Variants in LINGO2 observed in about 807,000 individuals in gnomAD.
The protein encoded by LINGO2 is leucine rich repeat and Ig domain containing 2, also known as leucine-rich repeat and immunoglobulin-like domain-containing nogo receptor-interacting protein 2.
In LINGO2, 14 loss-of-function variants were observed where a neutral mutation model predicts 30.6. That is an observed-to-expected ratio of 0.46 (90% CI 0.30 to 0.72). The LOEUF is 0.72. LINGO2 is among the 30% of genes least tolerant of loss of function. The pLI is 0.07. For missense variants in LINGO2, 729 were observed against 751.7 expected, an observed-to-expected ratio of 0.97 and a Z score of 0.35; for synonymous variants, 317 against 288.5, an observed-to-expected ratio of 1.10 and a Z score of -1.00.
the LINGO2 span, among the ~76,000 whole-genome samples, chr9:28,854,324 T>C: frequency 6.6e-6 from 1 of 152,014 alleles, no homozygotes; most frequent in African/African-American, 2.4e-5. Flanking sequence ...CATTAAACAA[T>C]GGGTTATGAT....
chr9:28,061,566 A>C (rs1014543814), intron 4 of LINGO2, among the ~76,000 whole-genome samples: 3 of 151,974 alleles, frequency 2.0e-5, no homozygotes, highest in Non-Finnish European at 4.4e-5. Context: ...CCATAAAAAT[A>C]AAAAAAGTAA....
At chr9:29,131,412 C>G in the LINGO2 span, among the ~76,000 whole-genome samples, 1 of 152,182 alleles carries the variant, frequency 6.6e-6, no homozygotes, top group Non-Finnish European at 1.5e-5. Flanking sequence ...TACCACCAGT[C>G]CAGCTTGGGC....
At chr9:28,789,566 G>A in the LINGO2 span, among the ~76,000 whole-genome samples, 1 of 152,082 alleles carries the variant, frequency 6.6e-6, no homozygotes, top group South Asian at 2.1e-4. Flanking sequence ...ATGGGTACCT[G>A]TTGCTAGTCA....
chr9:28,110,214 C>G (rs1826733078), intron 4 of LINGO2, among the ~76,000 whole-genome samples: 1 of 152,104 alleles, frequency 6.6e-6, no homozygotes, highest in Non-Finnish European at 1.5e-5. Context: ...GAAACTGGAC[C>G]CCTTCCTTAC....
intron 4 of LINGO2, among the ~76,000 whole-genome samples, chr9:28,231,908 AT>A (rs938945448): frequency 4.6e-5 from 7 of 151,874 alleles, no homozygotes; most frequent in African/African-American, 1.2e-4. Context: ...ATATATATAT[AT>A]TTTTTCTGCT....
chr9:28,683,319 T>A, the LINGO2 span, among the ~76,000 whole-genome samples: 7,814 of 152,200 alleles, frequency 0.051, 387 homozygotes, highest in Admixed American at 0.18. Context: ...TTAAGTTTTG[T>A]ACCATCATTT....
chr9:28,592,682 T>C (rs1587926659), intron 1 of LINGO2, among the ~76,000 whole-genome samples: 1 of 152,146 alleles, frequency 6.6e-6, no homozygotes, highest in African/African-American at 2.4e-5. Context: ...GGTATGGGTG[T>C]TATTTTTAGT....
chr9:28,925,081 A>T, the LINGO2 span, among the ~76,000 whole-genome samples: 1 of 152,174 alleles, frequency 6.6e-6, no homozygotes, highest in South Asian at 2.1e-4. Context: ...AATTAGCCTG[A>T]TTTTATCATC....
chr9:28,111,539 T>A (rs1202978121), intron 4 of LINGO2, among the ~76,000 whole-genome samples: 1 of 152,144 alleles, frequency 6.6e-6, no homozygotes, highest in East Asian at 1.9e-4. Context: ...CTTATAATCA[T>A]GTTTTAGGAA....
At chr9:29,102,746 G>A in the LINGO2 span, among the ~76,000 whole-genome samples, 313 of 152,104 alleles carry the variant, frequency 2.1e-3, 1 homozygote, top group African/African-American at 6.8e-3. Context: ...AAAATAAATC[G>A]TAGTGTTTTT....
chr9:28,979,686 A>G, the LINGO2 span, among the ~76,000 whole-genome samples: 1 of 151,352 alleles, frequency 6.6e-6, no homozygotes, highest in South Asian at 2.1e-4. Context: ...TGAAAAATCT[A>G]TACATTGATG....
rs184295089 is a variant in LINGO2, at chr9:28,579,472, A to T, written c.-365+90728T>A. Among the ~76,000 whole-genome samples the T allele has an allele frequency of 1.6e-3, 245 of 152,220 alleles. 2 individuals are homozygous for T. The highest frequency in any genetic ancestry group is 3.4e-3 in the Middle Eastern group (1 of 294). ...TGAATCCATGAAAATAAATTTCTGA[A>T]AATAATAAAAAACATATAAAAGTCA... On this transcript the variant is annotated intron_variant, in intron 1 of 5. Coordinates refer to ENST00000379992, the Ensembl canonical transcript of LINGO2.
chr9:28,643,032 T>C (rs765738685), intron 1 of LINGO2, among the ~76,000 whole-genome samples: 1 of 151,998 alleles, frequency 6.6e-6, no homozygotes, highest in South Asian at 2.1e-4. Flanking sequence ...ATGAAAGAAA[T>C]TGAAGAGGAC....
At chr9:28,339,391 C>G (rs1025302933) in intron 3 of LINGO2, among the ~76,000 whole-genome samples, 1 of 152,018 alleles carries the variant, frequency 6.6e-6, no homozygotes, top group African/African-American at 2.4e-5. Context: ...GTTTCTATGT[C>G]TAAAAATGGG....
At chr9:28,440,825 G>A (rs1050923383) in intron 2 of LINGO2, among the ~76,000 whole-genome samples, 3 of 152,104 alleles carry the variant, frequency 2.0e-5, no homozygotes, top group Admixed American at 6.5e-5. Flanking sequence ...TTATGCAAAT[G>A]AGAGCAAAGC....
At chr9:28,192,307 G>A (rs1328060428) in intron 4 of LINGO2, among the ~76,000 whole-genome samples, 1 of 151,704 alleles carries the variant, frequency 6.6e-6, no homozygotes, top group Non-Finnish European at 1.5e-5. Flanking sequence ...TATTTTAGTG[G>A]CTTTTCATAT....
rs567322392 is a variant in LINGO2, at chr9:28,446,486, T to C, written c.-279+29454A>G. ...TTGGGCAACTATTATACTTAATTAA[T>C]ATCCACCATGCTGAACAAAGCCTTG... is the stretch of plus-strand genomic sequence containing the variant. On this transcript the variant is annotated intron_variant, in intron 2 of 5. Coordinates refer to ENST00000379992, the Ensembl canonical transcript of LINGO2. Among the ~76,000 whole-genome samples the C allele has an allele frequency of 1.1e-3, 165 of 152,362 alleles. 1 individual carries two copies. Among genetic ancestry groups the C allele is most frequent in the African/African-American group, 3.8e-3 (159 of 41,592 alleles).
intron 1 of LINGO2, among the ~76,000 whole-genome samples, chr9:28,492,623 CAGCTGTTAATTATTCCCTCCATTGA>C (rs1469739494): frequency 1.3e-5 from 2 of 152,096 alleles, no homozygotes; most frequent in Non-Finnish European, 2.9e-5. Flanking sequence ...GAAATACTAA[CAGCTGTTAATTATTCCCTCCATTGA>C]AGAAGATGCA....
At chr9:28,537,980 G>C (rs1280497860) in intron 1 of LINGO2, among the ~76,000 whole-genome samples, 2 of 151,814 alleles carry the variant, frequency 1.3e-5, no homozygotes, top group Non-Finnish European at 2.9e-5. Context: ...ATGACTGCCG[G>C]ATTGACAGTA....
Sources: allele counts gnomAD v4.1 joint callset (sites outside exome capture counted in the v4.1 genomes callset), GRCh38; gene constraint gnomAD v4.1.1; transcripts MANE v1.5; gene names NCBI Gene and HGNC (gene_info 2026-07-23, HGNC 2026-07-21).